The following RGS5 variants were observed in gnomAD, a reference collection of about 807,000 sequenced individuals.
The protein encoded by RGS5 is regulator of G protein signaling 5, also known as regulator of G-protein signalling 5.
In RGS5, 20 loss-of-function variants were observed where a neutral mutation model predicts 18.9. The observed-to-expected ratio is 1.06, with a 90% CI of 0.74 to 1.54. The LOEUF is 1.54. RGS5 is among the 40% of genes most tolerant of loss of function. The probability of loss-of-function intolerance (pLI) is 0.00; values close to 1 mark genes in which losing one functional copy is unlikely to be tolerated. For synonymous variants in RGS5, 57 were observed against 76.2 expected, an observed-to-expected ratio of 0.75 and a Z score of 1.31; for missense variants, 201 against 211.8, an observed-to-expected ratio of 0.95 and a Z score of 0.32.
chr1:163,209,304 G>GA (rs1660044264), intron 1 of RGS5, among the ~76,000 whole-genome samples: 1 of 152,072 alleles, frequency 6.6e-6, no homozygotes, highest in Admixed American at 6.5e-5. Flanking sequence ...ATTACCAGTA[G>GA]AATACTGTTT....
intron 1 of RGS5, among the ~76,000 whole-genome samples, chr1:163,316,767 G>T (rs572262035): frequency 3.3e-5 from 5 of 152,212 alleles, no homozygotes; most frequent in African/African-American, 1.2e-4. Flanking sequence ...AAGGCAAAAA[G>T]AACTAAAATA....
chr1:163,284,573 C>T (rs184988409), intron 2 of RGS5, among the ~76,000 whole-genome samples: 1 of 152,150 alleles, frequency 6.6e-6, no homozygotes, highest in Non-Finnish European at 1.5e-5. Context: ...CCTTTATGGA[C>T]TGCTACTATG....
At chr1:163,231,305 C>T (rs1647476215) in intron 2 of RGS5, among the ~76,000 whole-genome samples, 1 of 152,122 alleles carries the variant, frequency 6.6e-6, no homozygotes, top group Admixed American at 6.6e-5. Context: ...CATGAAATAA[C>T]CAGAGCAGTT....
At chr1:163,264,047 A>G (rs944406413) in intron 2 of RGS5, among the ~76,000 whole-genome samples, 1 of 151,938 alleles carries the variant, frequency 6.6e-6, no homozygotes, top group African/African-American at 2.4e-5. Context: ...CTTTGGCACA[A>G]ACTGGGGGAA....
rs150725373 is a variant in RGS5 at position 163,228,001 on chromosome 1, A to G, written c.-280-59633T>C. Among the ~76,000 whole-genome samples the G allele has an allele frequency of 5.5e-3, 831 of 152,344 alleles. 10 individuals are homozygous for G. Among genetic ancestry groups the G allele is most frequent in the African/African-American group, 0.019 (775 of 41,576 alleles). The stretch of plus-strand genomic sequence containing the variant: ...CTCCATCCCTGTGGCCATGCAAGGT[A>G]CAGCCCTGCCCCAGGATGCTTTCAC... On this transcript the variant is annotated intron_variant, in intron 2 of 5. Transcript: ENST00000618415.
Position 163,243,710 on chromosome 1 carries a change from G to A in RGS5, c.-281+62523C>T, listed in dbSNP as rs1445118635. Among the ~76,000 whole-genome samples the A allele has an allele frequency of 4.1e-5, 6 of 147,604 alleles. No homozygotes were observed. The Admixed American group carries it at 4.1e-4, about 10-fold the overall frequency. ...GGTGCAGCAAACCACCATGGCACAG[G>A]TTTACCTTTGTAACAAACCTGCACA... is the stretch of plus-strand genomic sequence containing the variant. On this transcript the variant is annotated intron_variant, in intron 2 of 5. Coordinates refer to the RGS5 transcript ENST00000618415.
At chr1:163,227,013 T>G (rs574032559) in intron 2 of RGS5, among the ~76,000 whole-genome samples, 1 of 152,366 alleles carries the variant, frequency 6.6e-6, no homozygotes, top group Admixed American at 6.5e-5. Flanking sequence ...TTCCAGTGCT[T>G]GATAGCATGG....
chr1:163,150,880 C>A (rs1657345080), intron 4 of RGS5, among the ~76,000 whole-genome samples: 1 of 152,124 alleles, frequency 6.6e-6, no homozygotes, highest in Admixed American at 6.5e-5. Flanking sequence ...GAGTCTAGAG[C>A]ATCTGTGGTA....
At chr1:163,223,138 C>T (rs1314903968) in intron 2 of RGS5, among the ~76,000 whole-genome samples, 1 of 152,188 alleles carries the variant, frequency 6.6e-6, no homozygotes, top group Non-Finnish European at 1.5e-5. Context: ...AGCCACTGCG[C>T]CCAGCCTCTA....
intron 2 of RGS5, among the ~76,000 whole-genome samples, chr1:163,165,296 A>G (rs1292641845): frequency 1.3e-5 from 2 of 152,254 alleles, no homozygotes; most frequent in South Asian, 2.1e-4. Context: ...CACTACAACA[A>G]CAAACCAGAA....
At chr1:163,266,095 T>A (rs562558200) in intron 2 of RGS5, among the ~76,000 whole-genome samples, 28 of 151,998 alleles carry the variant, frequency 1.8e-4, no homozygotes, top group Non-Finnish European at 3.7e-4. Flanking sequence ...TGAACTAATC[T>A]CCTACAGCAC....
chr1:163,148,137 G>A (rs1484761575), intron 4 of RGS5, among the ~76,000 whole-genome samples: 1 of 152,014 alleles, frequency 6.6e-6, no homozygotes, highest in East Asian at 1.9e-4. Flanking sequence ...ACATTGGTGA[G>A]GCTGGTCTCG....
At chr1:163,157,773 G>T (rs1160459162) in intron 3 of RGS5, among the ~76,000 whole-genome samples, 1 of 152,122 alleles carries the variant, frequency 6.6e-6, no homozygotes, top group African/African-American at 2.4e-5. Context: ...TGTGGCCCAG[G>T]CTAGAGAGCA....
intron 2 of RGS5, 86 bp from the exon 3 acceptor site, chr1:163,162,062 C>T: frequency 1.1e-6 from 1 of 899,684 alleles, no homozygotes; most frequent in East Asian, 2.4e-5. Flanking sequence ...TCCTGTTTCT[C>T]TTAGATGGAA....
intron 1 of RGS5, among the ~76,000 whole-genome samples, chr1:163,307,087 G>T (rs1649721382): frequency 6.6e-6 from 1 of 152,086 alleles, no homozygotes; most frequent in African/African-American, 2.4e-5. Flanking sequence ...CTCCCACTTG[G>T]GAACAACTCC....
At chr1:163,207,228 G>C (rs1467314978), upstream of RGS5, among the ~76,000 whole-genome samples, 1 of 152,156 alleles carries the variant, frequency 6.6e-6, no homozygotes, top group Admixed American at 6.5e-5. Context: ...TTAATTGCTG[G>C]AAAGAATTAT....
At chr1:163,210,473 T>A (rs2101670528) in intron 1 of RGS5, among the ~76,000 whole-genome samples, 1 of 152,336 alleles carries the variant, frequency 6.6e-6, no homozygotes, top group African/African-American at 2.4e-5. Context: ...TTTTAAACAC[T>A]TTTAAAGGAT....
At chr1:163,286,434 C>T (rs1048009123) in intron 2 of RGS5, among the ~76,000 whole-genome samples, 1 of 136,346 alleles carries the variant, frequency 7.3e-6, no homozygotes, top group Non-Finnish European at 1.6e-5. Flanking sequence ...TTAATTTATG[C>T]ACATAATATA....
At chr1:163,200,924 A>G (rs965482646) in intron 1 of RGS5, among the ~76,000 whole-genome samples, 2 of 152,194 alleles carry the variant, frequency 1.3e-5, no homozygotes, top group African/African-American at 4.8e-5. Flanking sequence ...AGTAATAGGA[A>G]TCATTGAAAG....
Sources: allele counts gnomAD v4.1 joint callset (sites outside exome capture counted in the v4.1 genomes callset), GRCh38; gene constraint gnomAD v4.1.1; transcripts MANE v1.5; gene names NCBI Gene and HGNC (gene_info 2026-07-23, HGNC 2026-07-21).